CEP76: variants seen among roughly 807,000 people sequenced by gnomAD.
CEP76 encodes the protein centrosomal protein 76, also known as centrosomal protein of 76 kDa.
In CEP76, 55 loss-of-function variants were observed where a neutral mutation model predicts 83.3. The ratio of observed to expected loss-of-function variants is 0.66; its 90% CI spans 0.53 to 0.83. The LOEUF is 0.83. Among genes scored for constraint, CEP76 ranks in the 40% least tolerant of loss-of-function variants. The probability of loss-of-function intolerance (pLI) is 0.00; values close to 1 mark genes in which losing one functional copy is unlikely to be tolerated. For missense variants in CEP76, 694 were observed against 799.5 expected (o/e 0.87, Z 1.59); for synonymous variants, 270 against 274.5 (o/e 0.98, Z 0.16).
intron 8 of CEP76, 26 bp from the exon 9 acceptor site, chr18:12,680,854 T>C (rs1355722492): frequency 4.4e-6 from 7 of 1,583,290 alleles, no homozygotes; most frequent in Admixed American, 3.6e-5. Context: ...AAATGAAGTA[T>C]TCATTCTTCC....
Position 12,674,558 on chromosome 18 carries a change from G to T in CEP76, c.1819C>A (p.Arg607Ser). 2 of 1,613,480 alleles carry T rather than the reference G, an allele frequency of 1.2e-6. No homozygotes were observed. The highest frequency in any genetic ancestry group is 1.1e-5 in the South Asian group (1 of 91,024). ...PIHFVYRNAR[R>S]AFATCLRSPF... ...TACCGAAGACATGTGGCAAATGCAC[G>T]TCTTGCATTTCTATACACAAAATGT... The change falls in exon 11 of 12, where the codon CGT becomes AGT. Residue 607 changes from arginine (R) to serine (S), a missense_variant. By Grantham distance (110) the Arg-to-Ser change is moderately radical (BLOSUM62 -1). Coordinates refer to ENST00000262127, the MANE Select transcript of CEP76 (RefSeq NM_024899.4).
downstream of CEP76, among the ~76,000 whole-genome samples, chr18:12,671,455 TA>T (rs1420217844): frequency 1.3e-5 from 2 of 151,668 alleles, no homozygotes; most frequent in South Asian, 2.1e-4. Flanking sequence ...ATAAAAAACT[TA>T]AAAAAAATGA....
At chr18:12,679,016 C>T (rs2039248413) in intron 9 of CEP76, 1 of 152,032 alleles carries the variant, frequency 6.6e-6, no homozygotes, top group Non-Finnish European at 1.5e-5. Context: ...CATTTTTAGG[C>T]ACAACTAACC....
In CEP76 at chr18:12,691,343, AAT is replaced by A; in HGVS notation, c.933+14_933+15del. On this transcript the variant is annotated intron_variant, in intron 7 of 11. Coordinates refer to ENST00000262127, the MANE Select transcript of CEP76 (RefSeq NM_024899.4). ...TCAAATACAGGCATAAAATTATTCT[AAT>A]ATAATTTACAAACCTGTGCAAAAAT... 6.6e-7 allele frequency: 1 copy of A among 1,521,640 alleles called. No homozygotes were observed. The highest frequency in any genetic ancestry group is 8.9e-7 in the Non-Finnish European group (1 of 1,128,040). The allele number at this position is 1,521,640 out of a possible 1,614,324, so 94.3% of individuals were successfully genotyped here.
intron 8 of CEP76, among the ~76,000 whole-genome samples, chr18:12,683,732 C>A (rs2039434714): frequency 6.7e-6 from 1 of 150,352 alleles, no homozygotes; most frequent in African/African-American, 2.5e-5. Context: ...GCCTGGGCGA[C>A]AAGAGGAAAA....
Position 12,695,244 on chromosome 18 carries a change from A to C in CEP76, c.804+10T>G. 1.6e-6 allele frequency: 2 copies of C among 1,254,860 alleles called. No homozygotes were observed. Among genetic ancestry groups the C allele is most frequent in the South Asian group, 2.8e-5 (2 of 71,126 alleles). The allele number at this position is 1,254,860 out of a possible 1,614,324, so 77.7% of individuals were successfully genotyped here. ...AACACACAAAAAAAGAGAAACTCAT[A>C]AGTATTTACCTGTGTGTTCACTACT... On this transcript the variant is annotated intron_variant, in intron 6 of 11. Transcript: ENST00000262127.
At chr18:12,702,246 C>T (rs1202898253) in intron 1 of CEP76, among the ~76,000 whole-genome samples, 1 of 152,252 alleles carries the variant, frequency 6.6e-6, no homozygotes, top group Non-Finnish European at 1.5e-5. Flanking sequence ...CCTAAAACGC[C>T]AAGACCGCTC....
intron 7 of CEP76, among the ~76,000 whole-genome samples, chr18:12,689,723 T>C (rs932084697): frequency 1.3e-5 from 2 of 152,086 alleles, no homozygotes; most frequent in African/African-American, 2.4e-5. Flanking sequence ...CACGTGGCAA[T>C]GAATAAATGC....
At chr18:12,701,265 G>C in intron 1 of CEP76, 152 bp from the exon 2 acceptor site, 4 of 605,876 alleles carry the variant, frequency 6.6e-6, no homozygotes, top group South Asian at 4.5e-5. Context: ...TGAATCTTTT[G>C]AGTACAAATT....
chr18:12,673,619 C>T (rs2039009286), intron 11 of CEP76, 116 bp from the exon 12 acceptor site: 6 of 737,998 alleles, frequency 8.1e-6, no homozygotes, highest in Non-Finnish European at 1.2e-5. Context: ...GTGGCTCATG[C>T]CTGTAATCCC....
At chr18:12,681,947 G>A (rs148210831) in intron 8 of CEP76, among the ~76,000 whole-genome samples, 3,951 of 151,492 alleles carry the variant, frequency 0.026, 183 homozygotes, top group African/African-American at 0.09. Flanking sequence ...AGTGAGCTGA[G>A]ATCGTGCCAC....
At position 12,702,622 on chromosome 18, in the gene CEP76, G is replaced by A. The variant is rs944807071; in HGVS notation, c.-74C>T. The A allele has an allele frequency of 1.4e-6, 2 of 1,478,762 alleles. No homozygotes were observed. The highest frequency in any genetic ancestry group is 2.6e-5 in the East Asian group (1 of 38,964). 91.6% of individuals were successfully genotyped at this position (1,478,762 alleles called of 1,614,324 possible). A position where few individuals can be genotyped will look rare whatever the true frequency, so the allele number is the denominator to read the frequency against. On this transcript the variant is annotated 5_prime_UTR_variant, in exon 1 of 12. Coordinates refer to ENST00000262127, the MANE Select transcript of CEP76 (RefSeq NM_024899.4). ...AACTGCGCGGCCCCGGCCGGGCCAG[G>A]GAGCGTTAGGAGCGACTGGAGCACA...
rs766046312 is a variant in CEP76 at position 12,699,056 on chromosome 18, C to T, written c.443G>A (p.Arg148His). ...ACAGGCACATGGAACAGGTTTAGAA[C>T]GAAAACGTTGGTTTCGATAATGTAA... ...LCLHYRNQRFRSKPVPCACEP... is the reference protein window; with the variant it reads ...LCLHYRNQRFHSKPVPCACEP... Residue 148 changes from arginine (R) to histidine (H), a missense_variant, in exon 4 of 12, where the codon CGT becomes CAT. Transcript: ENST00000262127. The T allele has an allele frequency of 1.8e-5, 29 of 1,613,868 alleles. No individual in the cohort carries two copies. Among genetic ancestry groups the T allele is most frequent in the Middle Eastern group, 3.3e-4 (2 of 6,080 alleles).
At chr18:12,698,864 A>G (rs1469482278) in intron 4 of CEP76, 115 bp downstream of exon 4, 3 of 728,836 alleles carry the variant, frequency 4.1e-6, no homozygotes, top group Non-Finnish European at 4.5e-6. Context: ...GGGAAACAAA[A>G]TAGAGATTCC....
At chr18:12,662,257 C>A in intron 12 of CEP76, 1 of 428,208 alleles carries the variant, frequency 2.3e-6, no homozygotes, top group Non-Finnish European at 4.6e-6. Context: ...AATTGTAATA[C>A]CTTATACATC....
chr18:12,700,662 G>C (rs555378363), intron 2 of CEP76, among the ~76,000 whole-genome samples: 1 of 152,206 alleles, frequency 6.6e-6, no homozygotes, highest in East Asian at 1.9e-4. Flanking sequence ...TTGTTATGGT[G>C]AACTAATTGG....
downstream of CEP76, among the ~76,000 whole-genome samples, chr18:12,668,844 G>A (rs536806678): frequency 1.4e-5 from 2 of 145,180 alleles, no homozygotes; most frequent in African/African-American, 5.0e-5. Flanking sequence ...GGGTTTAAGC[G>A]ATTCCCCTGC....
At chr18:12,687,327 G>C (rs1404412170) in intron 7 of CEP76, among the ~76,000 whole-genome samples, 1 of 151,410 alleles carries the variant, frequency 6.6e-6, no homozygotes, top group East Asian at 1.9e-4. Flanking sequence ...CCATACTTTA[G>C]CAAGGAAAAA....
At chr18:12,687,141 G>A (rs2039566544) in intron 7 of CEP76, among the ~76,000 whole-genome samples, 1 of 152,088 alleles carries the variant, frequency 6.6e-6, no homozygotes, top group Non-Finnish European at 1.5e-5. Context: ...CATGGTTACT[G>A]ATACGGCACT....
Sources: allele counts gnomAD v4.1 joint callset (sites outside exome capture counted in the v4.1 genomes callset), GRCh38; gene constraint gnomAD v4.1.1; transcripts MANE v1.5; gene names NCBI Gene and HGNC (gene_info 2026-07-23, HGNC 2026-07-21).